Variants in DLG2 observed in about 807,000 individuals in gnomAD.
DLG2 encodes the protein disks large homolog 2.
A neutral mutation model predicts 132.5 loss-of-function variants in DLG2; 45 were observed. The observed-to-expected ratio is 0.34, with a 90% CI of 0.27 to 0.44. The LOEUF (loss-of-function observed/expected upper bound fraction) is 0.44, where lower values mean the gene tolerates loss of function less well. Among genes scored for constraint, DLG2 ranks in the 20% least tolerant of loss-of-function variants. DLG2 has a pLI of 1.00. For missense variants in DLG2, 1,045 were observed against 1,196.9 expected (o/e 0.87, Z 1.87); for synonymous variants, 424 against 419.6 (o/e 1.01, Z -0.13).
intron 6 of DLG2, among the ~76,000 whole-genome samples, chr11:84,793,940 T>A (rs187341334): frequency 6.6e-6 from 1 of 152,220 alleles, no homozygotes; most frequent in East Asian, 1.9e-4. Context: ...TATTTTGTTA[T>A]TTGTTTTTGG....
intron 19 of DLG2, among the ~76,000 whole-genome samples, chr11:83,624,251 A>G (rs1335028669): frequency 6.6e-6 from 1 of 152,218 alleles, no homozygotes; most frequent in African/African-American, 2.4e-5. Flanking sequence ...AGAATGGAGG[A>G]AAACGTGATG....
chr11:85,004,433 C>T (rs1034504282), intron 6 of DLG2, among the ~76,000 whole-genome samples: 1 of 152,080 alleles, frequency 6.6e-6, no homozygotes, highest in Non-Finnish European at 1.5e-5. Flanking sequence ...GAGATGGTGT[C>T]TCATTGTGGT....
At chr11:84,850,148 C>A (rs926714609) in intron 6 of DLG2, among the ~76,000 whole-genome samples, 7 of 152,110 alleles carry the variant, frequency 4.6e-5, no homozygotes, top group Non-Finnish European at 8.8e-5. Flanking sequence ...CTGCCACACA[C>A]TAATGCTGCT....
chr11:85,158,469 C>T (rs967469270), intron 4 of DLG2, among the ~76,000 whole-genome samples: 3 of 152,128 alleles, frequency 2.0e-5, no homozygotes, highest in African/African-American at 7.2e-5. Context: ...GGATTAGTCA[C>T]TTTAGATCTA....
intron 6 of DLG2, among the ~76,000 whole-genome samples, chr11:85,062,973 T>G (rs959791792): frequency 6.6e-5 from 10 of 151,816 alleles, no homozygotes; most frequent in Non-Finnish European, 2.9e-5. Flanking sequence ...CTGAAATGCA[T>G]GTACATATAG....
chr11:84,366,120 A>C (rs896381227), intron 7 of DLG2, among the ~76,000 whole-genome samples: 56 of 152,176 alleles, frequency 3.7e-4, no homozygotes, highest in Non-Finnish European at 6.6e-4. Context: ...ATCTCTCGGC[A>C]GAAACTCTAC....
intron 3 of DLG2, among the ~76,000 whole-genome samples, chr11:85,386,920 G>A (rs1337025731): frequency 6.8e-6 from 1 of 148,034 alleles, no homozygotes; most frequent in Non-Finnish European, 1.5e-5. Flanking sequence ...TTTAGATGGA[G>A]TTTTGCTCTT....
At chr11:84,875,943 A>T (rs1330252922) in intron 6 of DLG2, among the ~76,000 whole-genome samples, 1 of 152,034 alleles carries the variant, frequency 6.6e-6, no homozygotes, top group Non-Finnish European at 1.5e-5. Flanking sequence ...TCACCATGTT[A>T]GCCAGGCTGG....
At chr11:83,516,435 G>C (rs1381884138) in intron 21 of DLG2, among the ~76,000 whole-genome samples, 1 of 152,116 alleles carries the variant, frequency 6.6e-6, no homozygotes, top group South Asian at 2.1e-4. Flanking sequence ...CATAAGATGG[G>C]TTTCCTGAAT....
intron 3 of DLG2, among the ~76,000 whole-genome samples, chr11:85,458,522 T>A (rs1327716594): frequency 6.6e-6 from 1 of 152,236 alleles, no homozygotes; most frequent in East Asian, 1.9e-4. Context: ...TTGCCAGAGT[T>A]CTCGCACTGG....
intron 6 of DLG2, among the ~76,000 whole-genome samples, chr11:84,959,181 T>C (rs1361101372): frequency 6.6e-6 from 1 of 152,184 alleles, no homozygotes; most frequent in Admixed American, 6.5e-5. Context: ...TCCATTTCTA[T>C]TTCTAGGATT....
At chr11:84,987,908 G>T (rs1020968350) in intron 6 of DLG2, among the ~76,000 whole-genome samples, 2 of 152,082 alleles carry the variant, frequency 1.3e-5, no homozygotes, top group Non-Finnish European at 2.9e-5. Context: ...TAAAAACAAA[G>T]ATAAATAGCT....
intron 6 of DLG2, among the ~76,000 whole-genome samples, chr11:85,010,347 A>G (rs1327871110): frequency 6.6e-6 from 1 of 152,082 alleles, no homozygotes; most frequent in Admixed American, 6.6e-5. Flanking sequence ...TTTAAGTTCT[A>G]GTAATAAAAG....
intron 2 of DLG2, among the ~76,000 whole-genome samples, chr11:85,613,768 C>T (rs1015060190): frequency 2.0e-5 from 3 of 152,228 alleles, no homozygotes; most frequent in Non-Finnish European, 4.4e-5. Flanking sequence ...CCAGCAGCAG[C>T]AACCCGCTTG....
At chr11:84,074,820 G>A (rs1017136237) in intron 10 of DLG2, among the ~76,000 whole-genome samples, 5 of 152,164 alleles carry the variant, frequency 3.3e-5, no homozygotes, top group Middle Eastern at 3.4e-3. Context: ...GAGCCACCGC[G>A]CCCGGCCCAC....
chr11:83,459,814 T>G lies in DLG2; in HGVS notation c.*4A>C, dbSNP rs2089535589. 1 of 1,547,736 alleles carries G rather than the reference T, an allele frequency of 6.5e-7. No homozygotes were observed. On this transcript the variant is annotated 3_prime_UTR_variant, in exon 28 of 28. Transcript: ENST00000376104. Reference sequence around the variant, plus strand: ...CTGTCGTTGTCAGAGGCGCAGTAGCTAATTTATAACTTTTCCTTTGAGGGA... The same window carrying G: ...CTGTCGTTGTCAGAGGCGCAGTAGCGAATTTATAACTTTTCCTTTGAGGGA...
chr11:83,548,219 C>A (rs139709086), intron 19 of DLG2, among the ~76,000 whole-genome samples: 2 of 152,194 alleles, frequency 1.3e-5, no homozygotes, highest in South Asian at 4.2e-4. Flanking sequence ...AAGATGTTCA[C>A]GCCTGAATCT....
At chr11:83,812,176 A>G (rs1293088463) in intron 17 of DLG2, among the ~76,000 whole-genome samples, 1 of 152,014 alleles carries the variant, frequency 6.6e-6, no homozygotes, top group East Asian at 1.9e-4. Context: ...TTCAAATCCT[A>G]CTTCTCCTAT....
At chr11:84,864,844 T>C (rs1476937037) in intron 6 of DLG2, among the ~76,000 whole-genome samples, 1 of 151,984 alleles carries the variant, frequency 6.6e-6, no homozygotes, top group Non-Finnish European at 1.5e-5. Flanking sequence ...GTGAGAAAAT[T>C]TTCTCTAAAT....
Sources: allele counts gnomAD v4.1 joint callset (sites outside exome capture counted in the v4.1 genomes callset), GRCh38; gene constraint gnomAD v4.1.1; transcripts MANE v1.5; gene names NCBI Gene and HGNC (gene_info 2026-07-23, HGNC 2026-07-21).